The following PGM5 variants were observed in gnomAD, a reference collection of about 807,000 sequenced individuals.
PGM5 encodes phosphoglucomutase 5, also known as phosphoglucomutase-like protein 5.
In PGM5, 23 loss-of-function variants were observed where a neutral mutation model predicts 59.2. That is an observed-to-expected ratio of 0.39 (90% CI 0.28 to 0.55). The LOEUF (loss-of-function observed/expected upper bound fraction) is 0.55, where lower values mean the gene tolerates loss of function less well. Among genes scored for constraint, PGM5 ranks in the 20% least tolerant of loss-of-function variants. The pLI, the probability that PGM5 is intolerant of heterozygous loss-of-function variation, is 0.66. For missense variants in PGM5, 574 were observed against 748.3 expected, an observed-to-expected ratio of 0.77 and a Z score of 2.72; for synonymous variants, 214 against 286.0, an observed-to-expected ratio of 0.75 and a Z score of 2.54.
chr9:68,458,331 C>T (rs879953340), intron 6 of PGM5, among the ~76,000 whole-genome samples: 2 of 152,288 alleles, frequency 1.3e-5, no homozygotes, highest in Middle Eastern at 3.4e-3. Context: ...ATGACACCTA[C>T]CTAAAATGAA....
chr9:68,435,200 A>G (rs1285999157), intron 6 of PGM5, among the ~76,000 whole-genome samples: 1 of 152,186 alleles, frequency 6.6e-6, no homozygotes, highest in Admixed American at 6.5e-5. Context: ...TTTATAGCCC[A>G]TGCACATTTA....
Position 68,371,146 on chromosome 9 carries a change from C to T in PGM5, c.262-7053C>T, listed in dbSNP as rs533648110. Among the ~76,000 whole-genome samples, 3 of 152,266 alleles carry T rather than the reference C, an allele frequency of 2.0e-5. No homozygotes were observed. The South Asian group carries it at 6.2e-4, about 32-fold the overall frequency. On this transcript the variant is annotated intron_variant, in intron 1 of 10. Transcript: ENST00000396396. Reference sequence around the variant, plus strand: ...TGCCCCTTAATGGCAGTAGCATCCACTTGGGTGTGTGCACCTTCTGGAGGA... The same window carrying T: ...TGCCCCTTAATGGCAGTAGCATCCATTTGGGTGTGTGCACCTTCTGGAGGA...
intron 7 of PGM5, among the ~76,000 whole-genome samples, chr9:68,472,036 G>A (rs1453597051): frequency 6.6e-6 from 1 of 152,010 alleles, no homozygotes; most frequent in African/African-American, 2.4e-5. Flanking sequence ...TGTGAGGGAA[G>A]CATGTCAGCT....
chr9:68,520,608 A>G (rs945844973), intron 10 of PGM5, among the ~76,000 whole-genome samples: 2 of 152,260 alleles, frequency 1.3e-5, no homozygotes, highest in Non-Finnish European at 2.9e-5. Context: ...AAGAATACAG[A>G]GTATTATAAG....
At chr9:68,516,173 G>A (rs1267222935) in intron 10 of PGM5, among the ~76,000 whole-genome samples, 1 of 152,098 alleles carries the variant, frequency 6.6e-6, no homozygotes, top group Admixed American at 6.5e-5. Flanking sequence ...CCTTAACTAA[G>A]GTCCTTATTA....
intron 8 of PGM5, among the ~76,000 whole-genome samples, chr9:68,481,977 G>A (rs2132091495): frequency 6.6e-6 from 1 of 152,258 alleles, no homozygotes; most frequent in African/African-American, 2.4e-5. Flanking sequence ...CTAATACTGA[G>A]CCTGAATATC....
chr9:68,499,331 G>T lies in PGM5; in HGVS notation c.1584G>T (p.Arg528Ser). 6.2e-7 allele frequency: 1 copy of T among 1,614,114 alleles called. No homozygotes were observed. The highest frequency in any genetic ancestry group is 1.1e-5 in the South Asian group (1 of 91,082). Residue 528 changes from arginine to serine, a missense_variant, in exon 10 of 11, where the codon AGG becomes AGT. By Grantham distance (110) the Arg-to-Ser change is moderately radical (BLOSUM62 -1). Around this residue, in one of 7 missense-constraint regions of PGM5, gnomAD observed 300 missense variants for 280.0 expected, o/e 1.07. Coordinates refer to ENST00000396396, the MANE Select transcript of PGM5 (RefSeq NM_021965.4). ...TLRLYAESYE[R>S]DPSGHDQEPQ... ...GACTGTACGCAGAGAGCTACGAGAGGGATCCCAGCGGCCATGACCAGGAGC... is the reference window on the plus strand; with the variant it reads ...GACTGTACGCAGAGAGCTACGAGAGTGATCCCAGCGGCCATGACCAGGAGC...
chr9:68,486,515 T>G (rs1225267954), intron 9 of PGM5, among the ~76,000 whole-genome samples: 1 of 152,244 alleles, frequency 6.6e-6, no homozygotes, highest in Non-Finnish European at 1.5e-5. Context: ...ACATTTTGTA[T>G]AAATGGAATC....
intron 6 of PGM5, among the ~76,000 whole-genome samples, chr9:68,409,552 AT>A (rs1218509151): frequency 2.0e-5 from 3 of 147,188 alleles, no homozygotes; most frequent in Non-Finnish European, 4.5e-5. Context: ...GCCATAAAAA[AT>A]GATGAGTTCA....
chr9:68,519,240 G>T (rs1824863350), intron 10 of PGM5, among the ~76,000 whole-genome samples: 1 of 152,094 alleles, frequency 6.6e-6, no homozygotes, highest in Non-Finnish European at 1.5e-5. Context: ...ATAAAATGCA[G>T]CAAGGAATAA....
At chr9:68,371,305 T>C (rs566362271) in intron 1 of PGM5, among the ~76,000 whole-genome samples, 7 of 152,350 alleles carry the variant, frequency 4.6e-5, no homozygotes, top group African/African-American at 1.7e-4. Context: ...GAAAGTCAGA[T>C]ATTGCCTGCT....
chr9:68,514,906 A>G (rs1178220861), intron 10 of PGM5, among the ~76,000 whole-genome samples: 1 of 152,232 alleles, frequency 6.6e-6, no homozygotes, highest in Admixed American at 6.5e-5. Context: ...AAAAAAAGAA[A>G]CAAGAAAATC....
At chr9:68,418,062 G>T (rs1327167439) in intron 6 of PGM5, among the ~76,000 whole-genome samples, 1 of 152,202 alleles carries the variant, frequency 6.6e-6, no homozygotes, top group Non-Finnish European at 1.5e-5. Context: ...CCTGACAAGA[G>T]GCTGAGCTGC....
chr9:68,360,812 A>C (rs1342566822), intron 1 of PGM5, among the ~76,000 whole-genome samples: 42 of 152,332 alleles, frequency 2.8e-4, no homozygotes, highest in East Asian at 3.9e-4. Flanking sequence ...AAAAATAAGA[A>C]CATTTTCCTG....
chr9:68,477,672 C>T (rs1824128488), intron 7 of PGM5, among the ~76,000 whole-genome samples: 1 of 152,236 alleles, frequency 6.6e-6, no homozygotes, highest in Admixed American at 6.5e-5. Context: ...ATTGAGGAAT[C>T]AGCACCTTGC....
At chr9:68,481,423 C>A (rs1215027523) in intron 8 of PGM5, among the ~76,000 whole-genome samples, 1 of 152,142 alleles carries the variant, frequency 6.6e-6, no homozygotes, top group Admixed American at 6.5e-5. Context: ...GTACCAAAAC[C>A]CCCTGATTCA....
chr9:68,497,149 C>G (rs1359211822), intron 9 of PGM5: 1 of 152,212 alleles, frequency 6.6e-6, no homozygotes, highest in African/African-American at 2.4e-5. Context: ...AATTGCTTCA[C>G]TTGCTCCATT....
At chr9:68,419,929 G>A (rs1391792113) in intron 6 of PGM5, among the ~76,000 whole-genome samples, 2 of 152,180 alleles carry the variant, frequency 1.3e-5, no homozygotes, top group Admixed American at 1.3e-4. Context: ...TTCCCATCAG[G>A]CTTTGAATGC....
Position 68,437,021 on chromosome 9 carries a change from G to GT in PGM5, c.1044-28071dup, listed in dbSNP as rs1564005415. On this transcript the variant is annotated intron_variant, in intron 6 of 10. Coordinates refer to ENST00000396396, the MANE Select transcript of PGM5 (RefSeq NM_021965.4). This position sits in a 1 kb window ranked among gnomAD's most constrained non-coding sequence, Gnocchi z 4.1. ...TTCACTAAAATTTAAAAATGCCTTT[G>GT]TATTTATGCATAGCTAACTCCTGAG... Among the ~76,000 whole-genome samples, 1 of 152,206 alleles carries GT rather than the reference G, an allele frequency of 6.6e-6. No individual in the cohort carries two copies. The highest frequency in any genetic ancestry group is 2.4e-5 in the African/African-American group (1 of 41,448).
Sources: allele counts gnomAD v4.1 joint callset (sites outside exome capture counted in the v4.1 genomes callset), GRCh38; gene constraint gnomAD v4.1.1; regional missense constraint gnomAD v4.1.1; non-coding constraint Gnocchi (gnomAD v3.1); transcripts MANE v1.5; gene names NCBI Gene and HGNC (gene_info 2026-07-23, HGNC 2026-07-21).